SLC24A2: variants seen among roughly 807,000 people sequenced by gnomAD.
SLC24A2 encodes the protein sodium/potassium/calcium exchanger 2.
Under a neutral mutation model 62.0 loss-of-function variants are expected in SLC24A2, and 36 were observed. The ratio of observed to expected loss-of-function variants is 0.58; its 90% confidence interval spans 0.44 to 0.77. The LOEUF (loss-of-function observed/expected upper bound fraction) is 0.77. SLC24A2 is among the 30% of genes least tolerant of loss of function. The pLI, the probability that SLC24A2 is intolerant of heterozygous loss-of-function variation, is 0.00. For missense variants in SLC24A2, 846 were observed against 817.9 expected, an observed-to-expected ratio of 1.03 and a Z score of -0.42; for synonymous variants, 358 against 294.0, an observed-to-expected ratio of 1.22 and a Z score of -2.23.
the SLC24A2 span, among the ~76,000 whole-genome samples, chr9:19,970,929 C>T: frequency 6.6e-6 from 1 of 152,102 alleles, no homozygotes; most frequent in African/African-American, 2.4e-5. Context: ...GAAGGTAGAA[C>T]TAACATTTCA....
chr9:20,305,882 C>A, the SLC24A2 span, among the ~76,000 whole-genome samples: 1 of 152,138 alleles, frequency 6.6e-6, no homozygotes, highest in South Asian at 2.1e-4. Context: ...AAGTTGTGGG[C>A]AGGGTTGGTT....
chr9:19,514,060 C>G lies in SLC24A2; in HGVS notation c.*2093G>C, dbSNP rs1463033591. 6.6e-6 allele frequency: 1 copy of G among 152,196 alleles called. No individual in the cohort carries two copies. The allele number at this position is 152,196 out of a possible 1,614,324, so 9.4% of individuals were successfully genotyped here. A position where few individuals can be genotyped will look rare whatever the true frequency, so the allele number is the denominator to read the frequency against. On this transcript the variant is annotated 3_prime_UTR_variant, in exon 11 of 11. Transcript: ENST00000341998. ...TTGGAGAGACTTGAAAGCCAGCCTC[C>G]GACTGGCAGCCATCTTGATTTCTTG... is the stretch of plus-strand genomic sequence containing the variant.
At chr9:20,082,214 C>T in the SLC24A2 span, among the ~76,000 whole-genome samples, 2 of 152,216 alleles carry the variant, frequency 1.3e-5, no homozygotes, top group Non-Finnish European at 2.9e-5. Context: ...TTGATACCCT[C>T]AACCAGAGTG....
the SLC24A2 span, among the ~76,000 whole-genome samples, chr9:20,071,115 A>G: frequency 6.6e-6 from 1 of 152,088 alleles, no homozygotes; most frequent in Non-Finnish European, 1.5e-5. Flanking sequence ...TTCCACCATG[A>G]TTGGAAGCTT....
At chr9:20,064,671 T>A in the SLC24A2 span, among the ~76,000 whole-genome samples, 1 of 152,218 alleles carries the variant, frequency 6.6e-6, no homozygotes, top group Non-Finnish European at 1.5e-5. Context: ...ATTTGATAAT[T>A]GTCCTTTACT....
At chr9:19,744,281 G>A (rs955408911) in intron 2 of SLC24A2, among the ~76,000 whole-genome samples, 4 of 152,026 alleles carry the variant, frequency 2.6e-5, no homozygotes, top group African/African-American at 7.2e-5. Context: ...CCATATCTAG[G>A]GATGGATGTT....
the SLC24A2 span, among the ~76,000 whole-genome samples, chr9:19,980,646 T>A: frequency 3.9e-5 from 6 of 152,122 alleles, no homozygotes; most frequent in Non-Finnish European, 8.8e-5. Flanking sequence ...ATTTGAGGCC[T>A]GAGTCTACTT....
chr9:20,212,323 A>C, the SLC24A2 span, among the ~76,000 whole-genome samples: 1 of 151,818 alleles, frequency 6.6e-6, no homozygotes, highest in African/African-American at 2.4e-5. Context: ...AAGGAAAAAA[A>C]AATTTAAAAT....
intron 2 of SLC24A2, among the ~76,000 whole-genome samples, chr9:19,629,584 A>G (rs1177748799): frequency 2.6e-5 from 4 of 152,214 alleles, no homozygotes. Flanking sequence ...AACGGCATAG[A>G]TTTAAGTAAA....
the SLC24A2 span, among the ~76,000 whole-genome samples, chr9:20,105,887 C>CA: frequency 1.3e-5 from 2 of 152,122 alleles, no homozygotes; most frequent in African/African-American, 4.8e-5. Flanking sequence ...AAAAATCCTT[C>CA]AAAAAATTAA....
chr9:20,019,900 A>C, the SLC24A2 span, among the ~76,000 whole-genome samples: 9 of 151,886 alleles, frequency 5.9e-5, no homozygotes, highest in Non-Finnish European at 1.2e-4. Context: ...ACCACCAAAA[A>C]GTGGGTAAAG....
the SLC24A2 span, among the ~76,000 whole-genome samples, chr9:19,797,019 C>T: frequency 6.6e-6 from 1 of 152,066 alleles, no homozygotes; most frequent in Non-Finnish European, 1.5e-5. Flanking sequence ...TTTATCTTTT[C>T]TCCATTTTCT....
the SLC24A2 span, among the ~76,000 whole-genome samples, chr9:20,086,085 C>A: frequency 3.1e-4 from 47 of 152,326 alleles, no homozygotes; most frequent in African/African-American, 1.1e-3. Flanking sequence ...CCAGATGACA[C>A]TGTTGCTCCT....
the SLC24A2 span, among the ~76,000 whole-genome samples, chr9:19,966,207 A>T: frequency 6.6e-6 from 1 of 152,164 alleles, no homozygotes; most frequent in African/African-American, 2.4e-5. Context: ...TAAAAATCAA[A>T]CAGGATATTT....
chr9:19,724,850 C>A (rs1430415488), intron 2 of SLC24A2, among the ~76,000 whole-genome samples: 2 of 152,150 alleles, frequency 1.3e-5, no homozygotes, highest in Non-Finnish European at 2.9e-5. Flanking sequence ...AACACAAACA[C>A]CAGTTAGATT....
intron 2 of SLC24A2, among the ~76,000 whole-genome samples, chr9:19,715,925 G>A (rs781729968): frequency 2.0e-5 from 3 of 152,138 alleles, no homozygotes; most frequent in Non-Finnish European, 4.4e-5. Flanking sequence ...TGGGGGAGAA[G>A]AAAAGTTTTC....
At chr9:19,816,794 C>T in the SLC24A2 span, among the ~76,000 whole-genome samples, 1 of 151,990 alleles carries the variant, frequency 6.6e-6, no homozygotes, top group South Asian at 2.1e-4. Flanking sequence ...ATGGCAAGAA[C>T]ACCACCAAGA....
chr9:19,842,141 C>T, the SLC24A2 span, among the ~76,000 whole-genome samples: 1 of 152,154 alleles, frequency 6.6e-6, no homozygotes, highest in Non-Finnish European at 1.5e-5. Context: ...CATACATATT[C>T]TAAATAAGAA....
chr9:19,518,421 TTTTC>T (rs1471205083), intron 10 of SLC24A2, among the ~76,000 whole-genome samples: 7 of 150,960 alleles, frequency 4.6e-5, no homozygotes, highest in African/African-American at 1.7e-4. Flanking sequence ...TTTTCTTTTC[TTTTC>T]TTTTTTTTTT....
Sources: allele counts gnomAD v4.1 joint callset (sites outside exome capture counted in the v4.1 genomes callset), GRCh38; gene constraint gnomAD v4.1.1; transcripts MANE v1.5; gene names NCBI Gene and HGNC (gene_info 2026-07-23, HGNC 2026-07-21).